NEDD9: variants seen among roughly 807,000 people sequenced by gnomAD.
NEDD9 encodes the protein enhancer of filamentation 1.
NEDD9 carries 26 observed loss-of-function variants against 76.6 expected under a neutral mutation model. The ratio of observed to expected loss-of-function variants is 0.34; its 90% CI spans 0.25 to 0.47. The LOEUF is 0.47. NEDD9 is among the 20% of genes least tolerant of loss of function. The pLI, the probability that NEDD9 is intolerant of heterozygous loss-of-function variation, is 1.00. For synonymous variants in NEDD9, 392 were observed against 414.2 expected (o/e 0.95, Z 0.65); for missense variants, 937 against 1,058.5 (o/e 0.89, Z 1.59).
rs542232941 is a variant in NEDD9 at position 11,214,872 on chromosome 6, A to G, written c.13-1145T>C. On this transcript the variant is annotated intron_variant, in intron 1 of 6. Coordinates refer to ENST00000379446, the MANE Select transcript of NEDD9 (RefSeq NM_006403.4). ...TTGAGGTGGGGCTCATTTATGGAAG[A>G]AAGGATTACGGATTGGATGGGGCAG... Among the ~76,000 whole-genome samples the G allele has an allele frequency of 5.3e-5, 8 of 152,310 alleles. No individual in the cohort carries two copies. In the South Asian group the frequency reaches 1.7e-3, roughly 32 times the overall value.
At chr6:11,332,968 G>A (rs375844637) in intron 2 of NEDD9, among the ~76,000 whole-genome samples, 5 of 151,208 alleles carry the variant, frequency 3.3e-5, no homozygotes, top group African/African-American at 7.3e-5. Flanking sequence ...GGAGTCCCAC[G>A]GTTTCCCATA....
In NEDD9 at chr6:11,350,952, A is replaced by G. The variant is rs548373927; in HGVS notation, c.-213-16391T>C. Among the ~76,000 whole-genome samples the G allele has an allele frequency of 2.0e-5, 3 of 152,240 alleles. No homozygotes were observed. The South Asian group carries it at 6.2e-4, about 32-fold the overall frequency. On this transcript the variant is annotated intron_variant, in intron 1 of 3. Transcript: ENST00000397378. ...TCTTGACATATAATCGACAAACACA[A>G]ATTTATACATGGTAATGTGTACAAC...
chr6:11,324,545 C>T (rs1421445955), intron 2 of NEDD9, among the ~76,000 whole-genome samples: 1 of 152,214 alleles, frequency 6.6e-6, no homozygotes, highest in Non-Finnish European at 1.5e-5. Flanking sequence ...GCTCTGCGGC[C>T]ACCGTATTAA....
At chr6:11,369,273 CT>C (rs923750975) in intron 1 of NEDD9, among the ~76,000 whole-genome samples, 29 of 151,652 alleles carry the variant, frequency 1.9e-4, no homozygotes, top group South Asian at 1.0e-3. Context: ...TTGCTTAGAA[CT>C]TTTTTTTTGC....
At chr6:11,214,680 TCTTGG>T (rs1561791872) in intron 1 of NEDD9, among the ~76,000 whole-genome samples, 1 of 152,212 alleles carries the variant, frequency 6.6e-6, no homozygotes, top group Non-Finnish European at 1.5e-5. Context: ...AGATTTCATT[TCTTGG>T]CATTAGTAAA....
intron 2 of NEDD9, chr6:11,200,197 C>T (rs1758408096): frequency 2.4e-6 from 1 of 421,514 alleles, no homozygotes; most frequent in Non-Finnish European, 4.8e-6. Context: ...GCAGGGACCC[C>T]AAACCACCCC....
intron 3 of NEDD9, among the ~76,000 whole-genome samples, chr6:11,300,453 T>A (rs1285475228): frequency 2.6e-5 from 4 of 152,144 alleles, no homozygotes; most frequent in African/African-American, 9.7e-5. Flanking sequence ...GATATTATCC[T>A]GGAAAACTTC....
chr6:11,319,940 A>C (rs929391479), intron 2 of NEDD9, among the ~76,000 whole-genome samples: 5 of 151,672 alleles, frequency 3.3e-5, no homozygotes, highest in Non-Finnish European at 7.4e-5. Context: ...TTCCACCTTT[A>C]CCTGTTGTGA....
chr6:11,339,593 C>G (rs903139660), intron 1 of NEDD9, among the ~76,000 whole-genome samples: 4 of 152,230 alleles, frequency 2.6e-5, no homozygotes, highest in Non-Finnish European at 5.9e-5. Flanking sequence ...CCAAGTTTTT[C>G]TCCTCTGATG....
chr6:11,310,327 T>C (rs922648089), intron 2 of NEDD9, among the ~76,000 whole-genome samples: 1 of 152,198 alleles, frequency 6.6e-6, no homozygotes, highest in Non-Finnish European at 1.5e-5. Flanking sequence ...CTCTGCCCAC[T>C]GAAACCCCTG....
chr6:11,213,857 G>T lies in NEDD9; in HGVS notation c.13-130C>A. On this transcript the variant is annotated intron_variant, in intron 1 of 6. Coordinates refer to ENST00000379446, the MANE Select transcript of NEDD9 (RefSeq NM_006403.4). This position sits in a 1 kb window ranked among gnomAD's most constrained non-coding sequence, Gnocchi z 5.4. ...GAAGCATAAATCTGAACAATAGACTGTAAGGAGAAAAACAGATGGTGCAGA... is the reference window on the plus strand; with the variant it reads ...GAAGCATAAATCTGAACAATAGACTTTAAGGAGAAAAACAGATGGTGCAGA... 2.4e-6 allele frequency: 2 copies of T among 822,554 alleles called. No homozygotes were observed. The highest frequency in any genetic ancestry group is 3.8e-6 in the Non-Finnish European group (2 of 531,158). 51.0% of individuals were successfully genotyped at this position (822,554 alleles called of 1,614,324 possible).
intron 3 of NEDD9, among the ~76,000 whole-genome samples, chr6:11,240,365 C>T (rs1233051753): frequency 6.6e-6 from 1 of 152,184 alleles, no homozygotes; most frequent in Non-Finnish European, 1.5e-5. Context: ...ACCACCACTC[C>T]TACTGAGCCC....
chr6:11,324,912 T>G (rs1761888750), intron 2 of NEDD9, among the ~76,000 whole-genome samples: 2 of 152,252 alleles, frequency 1.3e-5, no homozygotes, highest in African/African-American at 4.8e-5. Flanking sequence ...GGTTTGACCT[T>G]TCTTACTCAT....
At chr6:11,341,927 A>T (rs1160864153) in intron 1 of NEDD9, among the ~76,000 whole-genome samples, 2 of 152,124 alleles carry the variant, frequency 1.3e-5, no homozygotes, top group African/African-American at 4.8e-5. Flanking sequence ...ATATTCAAAA[A>T]ATATATTAAT....
intron 3 of NEDD9, among the ~76,000 whole-genome samples, chr6:11,302,331 C>G (rs1761069912): frequency 6.6e-6 from 1 of 152,204 alleles, no homozygotes; most frequent in African/African-American, 2.4e-5. Context: ...AATTGAATCT[C>G]TGGATTGACC....
Position 11,184,994 on chromosome 6 carries a change from C to A in NEDD9, c.*168G>T. On this transcript the variant is annotated 3_prime_UTR_variant, in exon 7 of 7. Coordinates refer to ENST00000379446, the MANE Select transcript of NEDD9 (RefSeq NM_006403.4). ...CTCAGGGGGAAAAAAAAAGATTTCCCTCTCCAGCTCCCTGAATTTCTGAAA... is the reference window on the plus strand; with the variant it reads ...CTCAGGGGGAAAAAAAAAGATTTCCATCTCCAGCTCCCTGAATTTCTGAAA... 1 of 847,100 alleles carries A rather than the reference C, an allele frequency of 1.2e-6. No individual in the cohort carries two copies. Among genetic ancestry groups the A allele is most frequent in the Non-Finnish European group, 1.7e-6 (1 of 578,248 alleles). 52.5% of individuals were successfully genotyped at this position (847,100 alleles called of 1,614,324 possible).
chr6:11,282,958 T>C (rs1435438411), intron 3 of NEDD9, among the ~76,000 whole-genome samples: 7 of 152,254 alleles, frequency 4.6e-5, no homozygotes, highest in Non-Finnish European at 1.0e-4. Flanking sequence ...CAATGCCCTA[T>C]ATGGTTTGGC....
At chr6:11,302,776 C>A (rs1761083459) in intron 3 of NEDD9, among the ~76,000 whole-genome samples, 1 of 152,182 alleles carries the variant, frequency 6.6e-6, no homozygotes, top group South Asian at 2.1e-4. Context: ...ACATGATCAT[C>A]TCAATAGATG....
rs79438406 is a variant in NEDD9 at position 11,285,204 on chromosome 6, G to A, written c.12+20788C>T. On this transcript the variant is annotated intron_variant, in intron 3 of 3. Coordinates refer to the NEDD9 transcript ENST00000397378. The stretch of plus-strand genomic sequence containing the variant: ...TGCCTTTAGCTTGTCAGTCTTGAAG[G>A]GGAAATTGATCATTTTCCTGACAGT... Among the ~76,000 whole-genome samples the A allele has an allele frequency of 8.7e-4, 133 of 152,268 alleles. 2 individuals carry two copies. In the East Asian group the frequency reaches 0.023, roughly 26 times the overall value.
Sources: allele counts gnomAD v4.1 joint callset (sites outside exome capture counted in the v4.1 genomes callset), GRCh38; gene constraint gnomAD v4.1.1; non-coding constraint Gnocchi (gnomAD v3.1); transcripts MANE v1.5; gene names NCBI Gene and HGNC (gene_info 2026-07-23, HGNC 2026-07-21).